Variants in TMCC1 observed in about 807,000 individuals in gnomAD.
TMCC1 encodes the protein transmembrane and coiled-coil domains protein 1.
In TMCC1, 15 loss-of-function variants were observed where a neutral mutation model predicts 52.4. That is an observed-to-expected ratio of 0.29 (90% CI 0.19 to 0.44). The LOEUF (loss-of-function observed/expected upper bound fraction) is 0.44, where lower values mean the gene tolerates loss of function less well. Among genes scored for constraint, TMCC1 ranks in the 20% least tolerant of loss-of-function variants. TMCC1 has a pLI of 1.00. For missense variants in TMCC1, 503 were observed against 806.0 expected (o/e 0.62, Z 4.55); for synonymous variants, 279 against 301.9 (o/e 0.92, Z 0.79).
chr3:129,880,443 A>C lies in TMCC1; in HGVS notation c.-318T>G, dbSNP rs145935546. 6.6e-6 allele frequency: 1 copy of C among 152,350 alleles called. No individual in the cohort carries two copies. The highest frequency in any genetic ancestry group is 1.5e-5 in the Non-Finnish European group (1 of 68,034). 9.4% of individuals were successfully genotyped at this position (152,350 alleles called of 1,614,324 possible). ...AAGATCCATATGAAAAAGAGATCCA[A>C]TCTGGGAGGATGGACACTGTGTCTT... On this transcript the variant is annotated 5_prime_UTR_variant, in exon 2 of 7. Coordinates refer to ENST00000393238, the MANE Select transcript of TMCC1 (RefSeq NM_001017395.5).
intron 4 of TMCC1, among the ~76,000 whole-genome samples, chr3:129,753,873 C>T (rs1214740065): frequency 6.7e-6 from 1 of 149,068 alleles, no homozygotes; most frequent in Non-Finnish European, 1.5e-5. Flanking sequence ...AAATAGAAAG[C>T]ATACAGATGA....
chr3:129,765,084 G>A (rs915911487), intron 4 of TMCC1, among the ~76,000 whole-genome samples: 1 of 151,060 alleles, frequency 6.6e-6, no homozygotes, highest in Non-Finnish European at 1.5e-5. Flanking sequence ...TTACAGGCAT[G>A]AGCCACTGCA....
At chr3:129,878,280 A>C (rs753600121) in intron 2 of TMCC1, among the ~76,000 whole-genome samples, 1 of 152,104 alleles carries the variant, frequency 6.6e-6, no homozygotes, top group Non-Finnish European at 1.5e-5. Flanking sequence ...TCTAAGTCTT[A>C]ATAGGCATGT....
intron 4 of TMCC1, among the ~76,000 whole-genome samples, chr3:129,756,980 A>T (rs993950923): frequency 3.9e-5 from 6 of 152,230 alleles, no homozygotes; most frequent in Admixed American, 1.3e-4. Flanking sequence ...TAGGCTTGAC[A>T]TAAGTTTCTG....
chr3:129,796,821 C>A (rs1164292792), intron 4 of TMCC1, among the ~76,000 whole-genome samples: 1 of 152,046 alleles, frequency 6.6e-6, no homozygotes, highest in African/African-American at 2.4e-5. Context: ...CAGAGTGAGA[C>A]CTTATCTCTA....
At chr3:129,726,523 T>C (rs1407830340) in intron 4 of TMCC1, among the ~76,000 whole-genome samples, 1 of 152,172 alleles carries the variant, frequency 6.6e-6, no homozygotes, top group Non-Finnish European at 1.5e-5. Flanking sequence ...ACAAGAATTA[T>C]ACGGACTCTA....
rs554571535 is a variant in TMCC1, at chr3:129,736,376, A to G, written c.577-65112T>C. 1.4e-4 allele frequency among the ~76,000 whole-genome samples: 21 copies of G among 152,348 alleles called. No individual in the cohort carries two copies. In the South Asian group the frequency reaches 3.9e-3, roughly 29 times the overall value. On this transcript the variant is annotated intron_variant, in intron 4 of 6. Transcript: ENST00000393238. ...AACTGTGGCAATAATTTTATCACAC[A>G]ATTGTTTAATACTTTAGTTACTTAT...
chr3:129,654,879 A>C, intron 6 of TMCC1, 89 bp downstream of exon 6: 197 of 1,356,516 alleles, frequency 1.5e-4, no homozygotes, highest in Non-Finnish European at 1.8e-4. Flanking sequence ...TTTGTTCTCT[A>C]CCTTCTCATC....
intron 4 of TMCC1, among the ~76,000 whole-genome samples, chr3:129,690,585 G>GA (rs1220477248): frequency 2.6e-5 from 4 of 151,972 alleles, no homozygotes; most frequent in Non-Finnish European, 4.4e-5. Context: ...AATGGGTTGT[G>GA]AAAAAAAGGA....
intron 1 of TMCC1, among the ~76,000 whole-genome samples, chr3:129,891,634 T>G (rs1373871312): frequency 6.6e-6 from 1 of 152,254 alleles, no homozygotes; most frequent in African/African-American, 2.4e-5. Flanking sequence ...GCTTGTTTGT[T>G]GTATATTCCT....
chr3:129,870,107 T>C (rs2107960080), intron 2 of TMCC1, among the ~76,000 whole-genome samples: 1 of 152,180 alleles, frequency 6.6e-6, no homozygotes, highest in Middle Eastern at 3.4e-3. Flanking sequence ...GAAAGACTAG[T>C]CTTGAAAAAT....
At chr3:129,782,958 A>G (rs764082758) in intron 4 of TMCC1, among the ~76,000 whole-genome samples, 21 of 152,202 alleles carry the variant, frequency 1.4e-4, no homozygotes, top group Non-Finnish European at 2.5e-4. Flanking sequence ...TTTCATATAG[A>G]CTGCATCCCT....
chr3:129,710,372 G>T (rs1370072334), intron 4 of TMCC1, among the ~76,000 whole-genome samples: 4 of 152,062 alleles, frequency 2.6e-5, no homozygotes, highest in Non-Finnish European at 2.9e-5. Context: ...CATTATGTTG[G>T]CCAGGCTAGT....
intron 4 of TMCC1, among the ~76,000 whole-genome samples, chr3:129,791,848 G>A (rs1190745346): frequency 6.6e-6 from 1 of 152,010 alleles, no homozygotes; most frequent in Non-Finnish European, 1.5e-5. Flanking sequence ...ACTCAGATGT[G>A]AACATCTACC....
chr3:129,818,145 T>C (rs768204110), intron 4 of TMCC1, among the ~76,000 whole-genome samples: 53 of 151,892 alleles, frequency 3.5e-4, no homozygotes, highest in Non-Finnish European at 6.6e-4. Flanking sequence ...GGTTTCACCA[T>C]GTTGGTAAGC....
At position 129,736,893 on chromosome 3, in the gene TMCC1, C is replaced by A. The variant is rs547235813; in HGVS notation, c.577-65629G>T. On this transcript the variant is annotated intron_variant, in intron 4 of 6. Transcript: ENST00000393238. ...AATTTCAAATATACTGGAAAAAAAA[C>A]CAGAAAAGATGTTATAATAAACAGC... is the stretch of plus-strand genomic sequence containing the variant. Among the ~76,000 whole-genome samples the A allele has an allele frequency of 7.9e-5, 12 of 152,066 alleles. No homozygotes were observed. The East Asian group carries it at 1.7e-3, about 22-fold the overall frequency.
At chr3:129,810,744 A>G (rs996588943) in intron 4 of TMCC1, among the ~76,000 whole-genome samples, 5 of 152,252 alleles carry the variant, frequency 3.3e-5, no homozygotes, top group Non-Finnish European at 1.5e-5. Context: ...GTTTCAATTC[A>G]TAAGCAATCA....
chr3:129,757,743 C>T (rs1421812399), intron 4 of TMCC1, among the ~76,000 whole-genome samples: 3 of 152,026 alleles, frequency 2.0e-5, no homozygotes, highest in Non-Finnish European at 2.9e-5. Context: ...GCACGAGAAT[C>T]GCTTGAACCC....
rs985296739 is a variant in TMCC1 at position 129,782,717 on chromosome 3, G to A, written c.576+45086C>T. ...AGAGGGGCATCTCCTGGGAATGTGT[G>A]CCATCATCTTTTCTATGACTTTTCA... On this transcript the variant is annotated intron_variant, in intron 4 of 6. Coordinates refer to ENST00000393238, the MANE Select transcript of TMCC1 (RefSeq NM_001017395.5). Among the ~76,000 whole-genome samples, 13 of 152,214 alleles carry A rather than the reference G, an allele frequency of 8.5e-5. 1 individual carries two copies. Among genetic ancestry groups the A allele is most frequent in the Admixed American group, 6.5e-4 (10 of 15,284 alleles).
Sources: allele counts gnomAD v4.1 joint callset (sites outside exome capture counted in the v4.1 genomes callset), GRCh38; gene constraint gnomAD v4.1.1; transcripts MANE v1.5; gene names NCBI Gene and HGNC (gene_info 2026-07-23, HGNC 2026-07-21).